Variants in TMEM132B observed in about 807,000 individuals in gnomAD.
TMEM132B encodes the protein transmembrane protein 132B.
In TMEM132B, 18 loss-of-function variants were observed where a neutral mutation model predicts 90.8. The observed-to-expected ratio is 0.20, with a 90% CI of 0.14 to 0.29. The LOEUF (loss-of-function observed/expected upper bound fraction) is 0.29, where lower values mean the gene tolerates loss of function less well. TMEM132B is among the 10% of genes least tolerant of loss of function. The pLI is 1.00. For missense variants in TMEM132B, 1,096 were observed against 1,326.8 expected (o/e 0.83, Z 2.70); for synonymous variants, 504 against 523.3 (o/e 0.96, Z 0.50).
At chr12:125,530,077 G>A (rs748784942) in intron 4 of TMEM132B, among the ~76,000 whole-genome samples, 6 of 152,112 alleles carry the variant, frequency 3.9e-5, no homozygotes, top group Admixed American at 2.0e-4. Flanking sequence ...TCCTTGGTAC[G>A]GCTTTATGTG....
At position 125,251,159 on chromosome 12, in the gene TMEM132B, G is replaced by A. The variant is rs942584497; in HGVS notation, c.67+64293G>A. ...AGGGCAGAGGTGTCTTCCTGGGCTG[G>A]CCTGAGAGATTAAGGATTTAATGGC... On this transcript the variant is annotated intron_variant, in intron 1 of 8. Transcript: ENST00000682704. This position sits in a 1 kb window ranked among gnomAD's most constrained non-coding sequence, Gnocchi z 4.4. 5.3e-5 allele frequency among the ~76,000 whole-genome samples: 8 copies of A among 152,186 alleles called. No homozygotes were observed. The highest frequency in any genetic ancestry group is 1.4e-4 in the African/African-American group (6 of 41,444).
At chr12:125,642,663 G>A (rs983499287) in intron 5 of TMEM132B, among the ~76,000 whole-genome samples, 1 of 152,182 alleles carries the variant, frequency 6.6e-6, no homozygotes, top group Admixed American at 6.5e-5. Context: ...TCATTGCTTT[G>A]TGGACTGGGA....
chr12:125,207,806 A>G (rs963328775), intron 1 of TMEM132B, among the ~76,000 whole-genome samples: 2 of 152,232 alleles, frequency 1.3e-5, no homozygotes, highest in African/African-American at 4.8e-5. Context: ...TATAAGTAGA[A>G]TCATACAGTA....
chr12:125,401,338 G>T (rs548262599), intron 2 of TMEM132B, among the ~76,000 whole-genome samples: 3 of 152,320 alleles, frequency 2.0e-5, no homozygotes, highest in African/African-American at 7.2e-5. Context: ...TAGTGGGAGA[G>T]ACAGATAATA....
At chr12:125,330,326 G>A (rs1208789449) in intron 1 of TMEM132B, among the ~76,000 whole-genome samples, 1 of 124,904 alleles carries the variant, frequency 8.0e-6, no homozygotes, top group Non-Finnish European at 1.6e-5. Flanking sequence ...CTTTGTTTAA[G>A]GGGTTTCTTT....
At chr12:125,250,798 C>T (rs1874300359) in intron 1 of TMEM132B, among the ~76,000 whole-genome samples, 1 of 152,174 alleles carries the variant, frequency 6.6e-6, no homozygotes, top group Non-Finnish European at 1.5e-5. Flanking sequence ...CAAAAATATC[C>T]CATCCACACT....
chr12:125,275,822 C>T (rs1874971425), intron 1 of TMEM132B, among the ~76,000 whole-genome samples: 1 of 152,010 alleles, frequency 6.6e-6, no homozygotes, highest in Non-Finnish European at 1.5e-5. Flanking sequence ...CAAGTAATCT[C>T]CCCATCTCAG....
intron 3 of TMEM132B, among the ~76,000 whole-genome samples, chr12:125,464,028 C>T (rs985992060): frequency 1.3e-5 from 2 of 152,128 alleles, no homozygotes; most frequent in South Asian, 2.1e-4. Flanking sequence ...ATGGGAGAAA[C>T]CACCCCATGA....
intron 2 of TMEM132B, among the ~76,000 whole-genome samples, chr12:125,365,446 A>T (rs576738040): frequency 6.6e-6 from 1 of 152,228 alleles, no homozygotes; most frequent in South Asian, 2.1e-4. Context: ...CATTAGGAAG[A>T]AAAAGCAATA....
rs1313766108 is a variant in TMEM132B, at chr12:125,644,131, T to C, written c.1493T>C (p.Val498Ala). The C allele has an allele frequency of 6.2e-7, 1 of 1,614,188 alleles. No homozygotes were observed. ...FVNGKEMKSK[V>A]DTIVNFTHQH... ...AATGGGAAGGAAATGAAGAGCAAAGTGGACACGATTGTGAACTTCACCCAC... is the reference window on the plus strand; with the variant it reads ...AATGGGAAGGAAATGAAGAGCAAAGCGGACACGATTGTGAACTTCACCCAC... The change falls in exon 6 of 9, where the codon GTG becomes GCG. Residue 498 changes from valine (V) to alanine (A), a missense_variant. Physicochemically the swap from Val to Ala is moderately conservative, Grantham distance 64 (BLOSUM62 0). Coordinates refer to ENST00000682704, the MANE Select transcript of TMEM132B (RefSeq NM_001366854.1).
chr12:125,541,956 C>T (rs988143682), intron 4 of TMEM132B, among the ~76,000 whole-genome samples: 19 of 136,042 alleles, frequency 1.4e-4, no homozygotes, highest in Non-Finnish European at 2.9e-4. Flanking sequence ...ACCCGGTAGG[C>T]GGAGCTTGCA....
intron 4 of TMEM132B, among the ~76,000 whole-genome samples, chr12:125,532,968 T>G (rs1040677052): frequency 1.3e-5 from 2 of 152,192 alleles, no homozygotes; most frequent in African/African-American, 4.8e-5. Flanking sequence ...AGCCTGATAT[T>G]TATGTTTGGT....
intron 3 of TMEM132B, among the ~76,000 whole-genome samples, chr12:125,497,133 C>T (rs1882583579): frequency 2.0e-5 from 3 of 152,190 alleles, no homozygotes; most frequent in Admixed American, 2.0e-4. Flanking sequence ...ATCTGCTGTC[C>T]TCCAAGGAGA....
At chr12:125,429,351 C>T (rs1176538677) in intron 3 of TMEM132B, among the ~76,000 whole-genome samples, 1 of 136,732 alleles carries the variant, frequency 7.3e-6, no homozygotes, top group Non-Finnish European at 1.6e-5. Context: ...AGGCATGCAC[C>T]ACCATGCCTA....
intron 1 of TMEM132B, among the ~76,000 whole-genome samples, chr12:125,268,051 G>C (rs767850896): frequency 1.1e-4 from 16 of 152,254 alleles, no homozygotes; most frequent in Non-Finnish European, 1.2e-4. Context: ...GTCGAGACCA[G>C]CCTGAGCAAC....
intron 4 of TMEM132B, among the ~76,000 whole-genome samples, chr12:125,560,232 C>G (rs1345236234): frequency 1.3e-5 from 2 of 152,152 alleles, no homozygotes; most frequent in Non-Finnish European, 2.9e-5. Flanking sequence ...CCAAAAGCAC[C>G]TTGGGAGCTG....
intron 1 of TMEM132B, among the ~76,000 whole-genome samples, chr12:125,237,801 A>G (rs544691816): frequency 8.5e-4 from 129 of 152,312 alleles, no homozygotes; most frequent in Middle Eastern, 3.4e-3. Context: ...ACTTCACAGC[A>G]CCAGCACTGA....
At chr12:125,533,440 G>A (rs1883701745) in intron 4 of TMEM132B, among the ~76,000 whole-genome samples, 1 of 152,204 alleles carries the variant, frequency 6.6e-6, no homozygotes, top group Admixed American at 6.5e-5. Context: ...CTGCACATCA[G>A]CCCCGCCTGA....
At chr12:125,593,467 C>CCTTCT (rs1400711747) in intron 5 of TMEM132B, among the ~76,000 whole-genome samples, 7 of 152,216 alleles carry the variant, frequency 4.6e-5, no homozygotes, top group Admixed American at 2.0e-4. Context: ...CCATGTGCTT[C>CCTTCT]CTTCTCTTCT....
Sources: allele counts gnomAD v4.1 joint callset (sites outside exome capture counted in the v4.1 genomes callset), GRCh38; gene constraint gnomAD v4.1.1; non-coding constraint Gnocchi (gnomAD v3.1); transcripts MANE v1.5; gene names NCBI Gene and HGNC (gene_info 2026-07-23, HGNC 2026-07-21).